Variants in ARHGAP10 observed in about 807,000 individuals in gnomAD.
The protein encoded by ARHGAP10 is rho GTPase-activating protein 10.
In ARHGAP10, 87 loss-of-function variants were observed where a neutral mutation model predicts 108.6. The observed-to-expected ratio is 0.80, with a 90% CI of 0.67 to 0.96. ARHGAP10 has a LOEUF of 0.96. ARHGAP10 is among the 40% of genes least tolerant of loss of function. The pLI is 0.00. For missense variants in ARHGAP10, 939 were observed against 954.5 expected (o/e 0.98, Z 0.21); for synonymous variants, 347 against 341.1 (o/e 1.02, Z -0.19).
intron 13 of ARHGAP10, among the ~76,000 whole-genome samples, chr4:147,932,945 ATACT>A (rs1042062985): frequency 5.3e-5 from 8 of 152,226 alleles, no homozygotes; most frequent in Non-Finnish European, 1.2e-4. Flanking sequence ...AGTGGAAAAA[ATACT>A]TAAATAACCT....
At chr4:148,011,313 TCTC>T (rs1312297947) in intron 18 of ARHGAP10, among the ~76,000 whole-genome samples, 1 of 152,222 alleles carries the variant, frequency 6.6e-6, no homozygotes, top group African/African-American at 2.4e-5. Flanking sequence ...GCTTGTCTCT[TCTC>T]CTTGATGTCT....
chr4:147,797,444 T>G (rs889793967), intron 1 of ARHGAP10, among the ~76,000 whole-genome samples: 17 of 152,250 alleles, frequency 1.1e-4, no homozygotes, highest in Middle Eastern at 3.4e-3. Context: ...TTTGTTTTTT[T>G]GGAGATGAAG....
chr4:147,872,212 G>T (rs1734853037), intron 7 of ARHGAP10, among the ~76,000 whole-genome samples: 1 of 152,090 alleles, frequency 6.6e-6, no homozygotes, highest in Non-Finnish European at 1.5e-5. Context: ...GGCAGGGATG[G>T]TGGAGTGGTG....
chr4:147,852,697 C>T (rs1409080292), intron 4 of ARHGAP10, among the ~76,000 whole-genome samples: 3 of 142,780 alleles, frequency 2.1e-5, no homozygotes, highest in African/African-American at 7.7e-5. Flanking sequence ...CTCAGAACAT[C>T]ACCAAACTTT....
At chr4:147,860,197 C>T (rs1425659274) in intron 5 of ARHGAP10, among the ~76,000 whole-genome samples, 2 of 152,218 alleles carry the variant, frequency 1.3e-5, no homozygotes, top group Non-Finnish European at 2.9e-5. Flanking sequence ...AATCCCAGCA[C>T]TGTGGGAGGC....
chr4:147,766,842 ATT>A (rs1387868054), intron 1 of ARHGAP10, among the ~76,000 whole-genome samples: 47 of 130,230 alleles, frequency 3.6e-4, no homozygotes, highest in African/African-American at 1.4e-3. Flanking sequence ...ATATATATTT[ATT>A]TATTTATTTA....
At chr4:147,935,842 C>CATTTA (rs1737909108) in intron 13 of ARHGAP10, among the ~76,000 whole-genome samples, 1 of 152,166 alleles carries the variant, frequency 6.6e-6, no homozygotes, top group Admixed American at 6.5e-5. Flanking sequence ...ATTTAAATTT[C>CATTTA]ATTTAAAAAT....
chr4:148,046,962 C>G lies in ARHGAP10; in HGVS notation c.1938C>G (p.Pro646=), dbSNP rs149853025. The G allele has an allele frequency of 1.1e-5, 18 of 1,614,028 alleles. No individual in the cohort carries two copies. In the African/African-American group the frequency reaches 2.1e-4, roughly 19 times the overall value. The change falls in exon 20 of 23, where the codon CCC becomes CCG. Residue 646 remains proline (P), a synonymous_variant. Transcript: ENST00000336498. ...TGGACTCACTTTCCTCCCCGTCTCC[C>G]GTGACTACAGCTGTCCCTGGGCCTC... ...SSLDSLSSPS[P]VTTAVPGPPG...
At chr4:147,961,126 G>T (rs1738974664) in intron 16 of ARHGAP10, among the ~76,000 whole-genome samples, 1 of 152,164 alleles carries the variant, frequency 6.6e-6, no homozygotes, top group African/African-American at 2.4e-5. Context: ...GTAGATAACT[G>T]CCAAACAGTT....
intron 1 of ARHGAP10, among the ~76,000 whole-genome samples, chr4:147,748,303 T>A (rs1729014477): frequency 6.6e-6 from 1 of 152,148 alleles, no homozygotes; most frequent in Admixed American, 6.5e-5. Context: ...ATCATGTGCC[T>A]ACCAGTCGGG....
At chr4:147,795,912 C>T (rs1483533559) in intron 1 of ARHGAP10, among the ~76,000 whole-genome samples, 1 of 152,084 alleles carries the variant, frequency 6.6e-6, no homozygotes, top group Admixed American at 6.5e-5. Flanking sequence ...ACAAGCTGGT[C>T]TCAAACTCCT....
At chr4:147,843,411 CAT>C (rs1239511757) in intron 3 of ARHGAP10, among the ~76,000 whole-genome samples, 1 of 152,182 alleles carries the variant, frequency 6.6e-6, no homozygotes, top group African/African-American at 2.4e-5. Flanking sequence ...ACCTGTCAGT[CAT>C]AAATCAACTC....
chr4:147,966,563 G>A (rs1739208633), intron 17 of ARHGAP10, 117 bp from the exon 18 acceptor site: 4 of 894,826 alleles, frequency 4.5e-6, no homozygotes, highest in Non-Finnish European at 6.5e-6. Flanking sequence ...TAGATGTTGA[G>A]GGTGGTTAAG....
intron 18 of ARHGAP10, among the ~76,000 whole-genome samples, chr4:147,983,013 T>C (rs1739882217): frequency 6.6e-6 from 1 of 151,926 alleles, no homozygotes. Flanking sequence ...TCCTAGTAGC[T>C]GGACTCCAGG....
Position 147,913,155 on chromosome 4 carries a change from C to A in ARHGAP10, c.1228+16C>A. 1 of 1,604,684 alleles carries A rather than the reference C, an allele frequency of 6.2e-7. No individual in the cohort carries two copies. Among genetic ancestry groups the A allele is most frequent in the Non-Finnish European group, 8.5e-7 (1 of 1,171,530 alleles). ...GAAACACGAGGTAATATGATTGAAT[C>A]ATTTCATTCATGAGAGGCTATAGGT... On this transcript the variant is annotated intron_variant, in intron 13 of 22. Transcript: ENST00000336498.
intron 1 of ARHGAP10, among the ~76,000 whole-genome samples, chr4:147,813,007 T>C (rs2126774536): frequency 6.6e-6 from 1 of 152,286 alleles, no homozygotes; most frequent in Admixed American, 6.5e-5. Context: ...TGTGAAACAA[T>C]TTTCCAGTTA....
At chr4:147,884,155 C>T (rs998419647) in intron 10 of ARHGAP10, among the ~76,000 whole-genome samples, 30 of 152,322 alleles carry the variant, frequency 2.0e-4, no homozygotes, top group African/African-American at 7.0e-4. Context: ...TTCTATAATG[C>T]AATTTAATCA....
chr4:147,798,777 CTCTCTATATATATA>C (rs1373159102), intron 1 of ARHGAP10, among the ~76,000 whole-genome samples: 13 of 3,822 alleles, frequency 3.4e-3, no homozygotes, highest in African/African-American at 4.6e-3. Context: ...CTCTCTCTCT[CTCTCTATATATATA>C]TATATATATA....
Position 147,854,848 on chromosome 4 carries a change from T to C in ARHGAP10, c.385-2705T>C, listed in dbSNP as rs889106576. The C allele has an allele frequency of 8.1e-6, 8 of 985,208 alleles. No individual in the cohort carries two copies. The African/African-American group carries it at 1.4e-4, about 17-fold the overall frequency. The allele number at this position is 985,208 out of a possible 1,614,324, so 61.0% of individuals were successfully genotyped here. A position where few individuals can be genotyped will look rare whatever the true frequency, so the allele number is the denominator to read the frequency against. On this transcript the variant is annotated intron_variant, in intron 4 of 22. Coordinates refer to ENST00000336498, the MANE Select transcript of ARHGAP10 (RefSeq NM_024605.4). The stretch of plus-strand genomic sequence containing the variant: ...ATATTTCTATTCTAAGCTTGGTGGG[T>C]GTGATGTTGTTATTGTTGTTTCTTG...
Sources: allele counts gnomAD v4.1 joint callset (sites outside exome capture counted in the v4.1 genomes callset), GRCh38; gene constraint gnomAD v4.1.1; transcripts MANE v1.5; gene names NCBI Gene and HGNC (gene_info 2026-07-23, HGNC 2026-07-21).